ZNF727: variants seen among roughly 807,000 people sequenced by gnomAD.
The protein encoded by ZNF727 is putative zinc finger protein 727.
A neutral mutation model predicts 11.5 loss-of-function variants in ZNF727; 11 were observed. The ratio of observed to expected loss-of-function variants is 0.95; its 90% confidence interval spans 0.60 to 1.58. The LOEUF is 1.58. ZNF727 is among the 40% of genes most tolerant of loss of function. The pLI is 0.00. For synonymous variants in ZNF727, 171 were observed against 196.1 expected (o/e 0.87, Z 1.07); for missense variants, 533 against 581.7 (o/e 0.92, Z 0.86).
At position 64,084,919 on chromosome 7, in the gene ZNF727, T is replaced by G. The variant is rs1785850512; in HGVS notation, c.*6370T>G. On this transcript the variant is annotated 3_prime_UTR_variant, in exon 4 of 4. Coordinates refer to ENST00000456806, the MANE Select transcript of ZNF727 (RefSeq NM_001159522.3). ...TGTTGATATCTTGCCAGCAAACCAG[T>G]AATTTCAAAGATTTTGAAAGAAAAT... is the stretch of plus-strand genomic sequence containing the variant. Among the ~76,000 whole-genome samples the G allele has an allele frequency of 6.6e-6, 1 of 152,172 alleles. No homozygotes were observed. The highest frequency in any genetic ancestry group is 2.4e-5 in the African/African-American group (1 of 41,464).
At position 64,045,867 on chromosome 7, in the gene ZNF727, C is replaced by G. The variant is rs117535826; in HGVS notation, c.3+243C>G. 0.022 allele frequency among the ~76,000 whole-genome samples: 3,306 copies of G among 152,256 alleles called. 206 individuals are homozygous for G. The East Asian group carries it at 0.24, about 11-fold the overall frequency. On this transcript the variant is annotated intron_variant, in intron 1 of 3. Transcript: ENST00000456806. ...TCCAGCCCAGAGACTTTTTGGGCAGCTCTGTGTCGCAATCCCGAGTCTCCT... is the reference window on the plus strand; with the variant it reads ...TCCAGCCCAGAGACTTTTTGGGCAGGTCTGTGTCGCAATCCCGAGTCTCCT...
rs1460178942 is a variant in ZNF727 at position 64,080,150 on chromosome 7, G to A, written c.*1601G>A. On this transcript the variant is annotated 3_prime_UTR_variant, in exon 4 of 4. Transcript: ENST00000456806. ...TGTATCTTGGGGATGACCTTCTCGT[G>A]GGGTATATTATTGGGGTTCTCCACA... Among the ~76,000 whole-genome samples the A allele has an allele frequency of 6.6e-6, 1 of 152,122 alleles. No individual in the cohort carries two copies. The highest frequency in any genetic ancestry group is 1.9e-4 in the East Asian group (1 of 5,144).
intron 1 of ZNF727, among the ~76,000 whole-genome samples, chr7:64,063,295 T>A (rs1789804764): frequency 6.6e-6 from 1 of 152,156 alleles, no homozygotes; most frequent in South Asian, 2.1e-4. Flanking sequence ...TCGAGTGTTG[T>A]AATCTAAGTC....
chr7:64,064,008 T>A (rs1789823392), intron 1 of ZNF727, among the ~76,000 whole-genome samples: 1 of 152,074 alleles, frequency 6.6e-6, no homozygotes, highest in Admixed American at 6.5e-5. Context: ...TGGGCCTGCT[T>A]CTTTTGCTTC....
chr7:64,070,454 GTATA>G (rs750982506), intron 3 of ZNF727, among the ~76,000 whole-genome samples: 9 of 150,312 alleles, frequency 6.0e-5, no homozygotes, highest in Non-Finnish European at 1.3e-4. Flanking sequence ...ATAAACATGT[GTATA>G]TATGAATGTG....
intron 3 of ZNF727, 47 bp downstream of exon 3, chr7:64,069,656 TG>T: frequency 7.0e-7 from 1 of 1,432,826 alleles, no homozygotes. Context: ...CGGTTCCCAA[TG>T]TCAAGGAGGA....
intron 1 of ZNF727, among the ~76,000 whole-genome samples, chr7:64,066,729 G>A (rs560452484): frequency 5.5e-4 from 84 of 152,258 alleles, no homozygotes; most frequent in Non-Finnish European, 1.0e-3. Context: ...TACTATTCAG[G>A]ACATAGTCGT....
At chr7:64,051,789 T>G (rs1789601835) in intron 1 of ZNF727, among the ~76,000 whole-genome samples, 1 of 152,224 alleles carries the variant, frequency 6.6e-6, no homozygotes, top group Non-Finnish European at 1.5e-5. Flanking sequence ...AAAATGTACT[T>G]TGAAATCTCT....
chr7:64,056,113 T>G (rs897858117), intron 1 of ZNF727, among the ~76,000 whole-genome samples: 3 of 152,232 alleles, frequency 2.0e-5, no homozygotes, highest in Non-Finnish European at 4.4e-5. Flanking sequence ...TATTTCAATA[T>G]GATAGAGCAT....
chr7:64,070,497 G>A (rs1419455340), intron 3 of ZNF727, among the ~76,000 whole-genome samples: 2 of 151,672 alleles, frequency 1.3e-5, no homozygotes, highest in East Asian at 3.9e-4. Context: ...TACCAGTAAC[G>A]TCAATTTTTT....
At chr7:64,073,805 A>G (rs1790000279) in intron 3 of ZNF727, among the ~76,000 whole-genome samples, 1 of 152,130 alleles carries the variant, frequency 6.6e-6, no homozygotes. Flanking sequence ...CAGATTCTAT[A>G]ATCTTTTGCT....
chr7:64,065,011 C>T (rs375938866), intron 1 of ZNF727, among the ~76,000 whole-genome samples: 4 of 152,054 alleles, frequency 2.6e-5, no homozygotes, highest in South Asian at 2.1e-4. Flanking sequence ...GTCCTGTGAT[C>T]GCTCCCCAGA....
Position 64,077,515 on chromosome 7 carries a change from TTGTGC to T in ZNF727, c.468_472del (p.Leu156PhefsTer5), listed in dbSNP as rs1171321773. On this transcript the variant is annotated frameshift_variant, in exon 4 of 4. Transcript: ENST00000456806. LOFTEE classifies it low-confidence loss of function (END_TRUNC). ...TAATAAATGTGGCAAAGCTTTTGGGTTGTGCTCAATCTTCACTGAACATAAGAAAA... is the reference window on the plus strand; with the variant it reads ...TAATAAATGTGGCAAAGCTTTTGGGTTCAATCTTCACTGAACATAAGAAAA... The T allele has an allele frequency of 6.4e-7, 1 of 1,551,514 alleles. No homozygotes were observed. Among genetic ancestry groups the T allele is most frequent in the African/African-American group, 1.4e-5 (1 of 73,172 alleles).
At chr7:64,071,233 T>G (rs1206665887) in intron 3 of ZNF727, among the ~76,000 whole-genome samples, 1 of 152,056 alleles carries the variant, frequency 6.6e-6, no homozygotes. Flanking sequence ...TCACCAAGAA[T>G]GTACATCATT....
Position 64,078,421 on chromosome 7 carries a change from G to A in ZNF727, c.1372G>A (p.Gly458Ser). Residue 458 changes from glycine (G) to serine (S), a missense_variant, in exon 4 of 4, where the codon GGC becomes AGC. Gly to Ser is a moderately conservative substitution (Grantham distance 56, BLOSUM62 0). Around this residue, in one of 3 missense-constraint regions of ZNF727, gnomAD observed 54 missense variants for 48.6 expected, o/e 1.11. Coordinates refer to ENST00000456806, the MANE Select transcript of ZNF727 (RefSeq NM_001159522.3). ...GAAGCCCTACAAATGTGAAGAATGT[G>A]GCAAAACCTTTACCTGCTCCTCAAG... ...GEKPYKCEEC[G>S]KTFTCSSSLI... is the part of the protein sequence containing the mutation. The A allele has an allele frequency of 6.3e-7, 1 of 1,591,444 alleles. No individual in the cohort carries two copies. Among genetic ancestry groups the A allele is most frequent in the Non-Finnish European group, 8.6e-7 (1 of 1,168,698 alleles).
At chr7:64,049,970 C>G (rs1268635107) in intron 1 of ZNF727, among the ~76,000 whole-genome samples, 2 of 151,672 alleles carry the variant, frequency 1.3e-5, no homozygotes, top group Non-Finnish European at 2.9e-5. Context: ...AAACATTAGA[C>G]TAATACACTC....
intron 1 of ZNF727, among the ~76,000 whole-genome samples, chr7:64,050,826 A>G (rs573984051): frequency 5.3e-5 from 8 of 151,780 alleles, no homozygotes; most frequent in Non-Finnish European, 1.0e-4. Flanking sequence ...GTATGTATAT[A>G]TAGCCTGATT....
At chr7:64,067,112 G>T (rs184076729) in intron 1 of ZNF727, among the ~76,000 whole-genome samples, 70 of 145,828 alleles carry the variant, frequency 4.8e-4, no homozygotes, top group Middle Eastern at 3.5e-3. Context: ...CTTTTCAAAA[G>T]AAGACATTTA....
chr7:64,051,189 T>A (rs1437637777), intron 1 of ZNF727, among the ~76,000 whole-genome samples: 1 of 152,136 alleles, frequency 6.6e-6, no homozygotes. Context: ...TAAACTGAAA[T>A]TTTAAGTTGA....
Sources: allele counts gnomAD v4.1 joint callset (sites outside exome capture counted in the v4.1 genomes callset), GRCh38; gene constraint gnomAD v4.1.1; regional missense constraint gnomAD v4.1.1; transcripts MANE v1.5; gene names NCBI Gene and HGNC (gene_info 2026-07-23, HGNC 2026-07-21).